EXT1: variants seen among roughly 807,000 people sequenced by gnomAD.
The protein encoded by EXT1 is exostosin-1.
A neutral mutation model predicts 82.5 loss-of-function variants in EXT1; 20 were observed. The ratio of observed to expected loss-of-function variants is 0.24; its 90% CI spans 0.17 to 0.35. EXT1 has a LOEUF of 0.35. EXT1 is among the 10% of genes least tolerant of loss of function. The pLI is 1.00. For missense variants in EXT1, 757 were observed against 936.5 expected (o/e 0.81, Z 2.50); for synonymous variants, 348 against 350.8 (o/e 0.99, Z 0.09).
intron 1 of EXT1, among the ~76,000 whole-genome samples, chr8:117,941,263 G>A (rs1469620093): frequency 6.6e-6 from 1 of 152,172 alleles, no homozygotes; most frequent in Non-Finnish European, 1.5e-5. Context: ...GCTCTACCAC[G>A]TATCATGGTA....
intron 1 of EXT1, among the ~76,000 whole-genome samples, chr8:117,985,477 G>A (rs1223462071): frequency 6.6e-6 from 1 of 152,130 alleles, no homozygotes; most frequent in Non-Finnish European, 1.5e-5. Flanking sequence ...TGGGACCCCT[G>A]GAATGTAAAG....
intron 1 of EXT1, among the ~76,000 whole-genome samples, chr8:117,931,004 C>T (rs1303601307): frequency 6.6e-6 from 1 of 152,230 alleles, no homozygotes; most frequent in Non-Finnish European, 1.5e-5. Context: ...AATGCCAAGA[C>T]GTTATCTTAT....
At chr8:117,911,585 C>T (rs1200289946) in intron 1 of EXT1, among the ~76,000 whole-genome samples, 1 of 151,700 alleles carries the variant, frequency 6.6e-6, no homozygotes, top group African/African-American at 2.4e-5. Flanking sequence ...ATGGGGAACC[C>T]TTTGAGACTG....
chr8:118,070,737 G>A lies in EXT1; in HGVS notation c.962+39348C>T, dbSNP rs148155273. Among the ~76,000 whole-genome samples, 361 of 152,176 alleles carry A rather than the reference G, an allele frequency of 2.4e-3. 1 individual carries two copies. Among genetic ancestry groups the A allele is most frequent in the African/African-American group, 5.5e-3 (229 of 41,516 alleles). On this transcript the variant is annotated intron_variant, in intron 1 of 10. Coordinates refer to ENST00000378204, the MANE Select transcript of EXT1 (RefSeq NM_000127.3). The stretch of plus-strand genomic sequence containing the variant: ...AATCACAAGAATAGCAGACAGGAGC[G>A]GGAACCTTCTGGAAATCTCCCCTGA...
chr8:117,858,801 A>AGGCAGGC (rs1337551880), intron 1 of EXT1, among the ~76,000 whole-genome samples: 1 of 89,112 alleles, frequency 1.1e-5, no homozygotes, highest in Non-Finnish European at 2.2e-5. Flanking sequence ...AAGGCAAGGC[A>AGGCAGGC]AGGCAAGGCA....
At chr8:117,844,181 C>T (rs113022934) in intron 1 of EXT1, among the ~76,000 whole-genome samples, 1 of 89,960 alleles carries the variant, frequency 1.1e-5, no homozygotes, top group East Asian at 2.6e-4. Flanking sequence ...GAGACAAGAT[C>T]TTGCTCTGTC....
At chr8:118,047,944 T>G (rs1816649549) in intron 1 of EXT1, among the ~76,000 whole-genome samples, 1 of 151,890 alleles carries the variant, frequency 6.6e-6, no homozygotes. Context: ...GAGAATTGCT[T>G]GAATCCGGGA....
At chr8:118,059,584 G>A (rs2129939946) in intron 1 of EXT1, among the ~76,000 whole-genome samples, 2 of 152,348 alleles carry the variant, frequency 1.3e-5, no homozygotes, top group Middle Eastern at 6.8e-3. Flanking sequence ...CACAGACACA[G>A]AGGCAGCAGC....
At chr8:117,932,480 A>G (rs1814080207) in intron 1 of EXT1, among the ~76,000 whole-genome samples, 1 of 152,186 alleles carries the variant, frequency 6.6e-6, no homozygotes, top group Non-Finnish European at 1.5e-5. Flanking sequence ...TGCTAAGACT[A>G]CTTCTAACAA....
chr8:118,076,076 A>G (rs377538122), intron 1 of EXT1, among the ~76,000 whole-genome samples: 15 of 152,324 alleles, frequency 9.8e-5, no homozygotes, highest in African/African-American at 3.6e-4. Context: ...TTCAGGGGAG[A>G]GGGAAGTATA....
At chr8:118,096,210 TA>T (rs1013342276) in intron 1 of EXT1, among the ~76,000 whole-genome samples, 25 of 152,190 alleles carry the variant, frequency 1.6e-4, no homozygotes, top group Non-Finnish European at 2.4e-4. Context: ...AAAAAGATCA[TA>T]ATGTTTTTTC....
At chr8:117,924,685 A>C (rs2129639974) in intron 1 of EXT1, among the ~76,000 whole-genome samples, 1 of 152,342 alleles carries the variant, frequency 6.6e-6, no homozygotes, top group African/African-American at 2.4e-5. Context: ...GGAGGGCAGA[A>C]AAGCAAGAGG....
intron 1 of EXT1, among the ~76,000 whole-genome samples, chr8:117,961,407 T>C (rs992490533): frequency 6.6e-6 from 1 of 152,192 alleles, no homozygotes; most frequent in African/African-American, 2.4e-5. Flanking sequence ...ATAAAAAAAA[T>C]AGTTTTCTTT....
At chr8:117,826,012 T>C (rs1812002550) in intron 4 of EXT1, among the ~76,000 whole-genome samples, 1 of 152,204 alleles carries the variant, frequency 6.6e-6, no homozygotes, top group African/African-American at 2.4e-5. Context: ...TTCTGACAAA[T>C]AATGGAATCC....
intron 1 of EXT1, among the ~76,000 whole-genome samples, chr8:117,866,773 AT>A (rs1258209898): frequency 7.7e-6 from 1 of 130,224 alleles, no homozygotes; most frequent in Non-Finnish European, 1.6e-5. Context: ...TTGTCTAGGA[AT>A]TTGCTTCCCT....
intron 1 of EXT1, among the ~76,000 whole-genome samples, chr8:117,997,673 T>C (rs1258396474): frequency 6.6e-6 from 1 of 152,132 alleles, no homozygotes; most frequent in Non-Finnish European, 1.5e-5. Flanking sequence ...AAAATACAAT[T>C]TCCATTATTC....
At chr8:117,960,722 G>A (rs1438046712) in intron 1 of EXT1, among the ~76,000 whole-genome samples, 1 of 152,134 alleles carries the variant, frequency 6.6e-6, no homozygotes, top group Non-Finnish European at 1.5e-5. Context: ...GCCATCTTGA[G>A]GAAGTGATAA....
intron 1 of EXT1, among the ~76,000 whole-genome samples, chr8:118,019,640 A>G (rs1355700694): frequency 6.6e-6 from 1 of 152,242 alleles, no homozygotes; most frequent in African/African-American, 2.4e-5. Flanking sequence ...TTTTCCCACC[A>G]TACCCAACAA....
chr8:117,984,140 C>T (rs544320365), intron 1 of EXT1, among the ~76,000 whole-genome samples: 9 of 152,274 alleles, frequency 5.9e-5, no homozygotes, highest in African/African-American at 9.6e-5. Context: ...GGCAACTGGC[C>T]GAGCACAGTG....
Sources: allele counts gnomAD v4.1 joint callset (sites outside exome capture counted in the v4.1 genomes callset), GRCh38; gene constraint gnomAD v4.1.1; transcripts MANE v1.5; gene names NCBI Gene and HGNC (gene_info 2026-07-23, HGNC 2026-07-21).